The following DGCR2 variants were observed in gnomAD, a reference collection of about 807,000 sequenced individuals.
DGCR2 encodes the protein DiGeorge syndrome critical region gene 2.
Under a neutral mutation model 51.6 loss-of-function variants are expected in DGCR2, and 24 were observed. The observed-to-expected ratio is 0.47, with a 90% confidence interval of 0.34 to 0.65. The LOEUF (loss-of-function observed/expected upper bound fraction) is 0.65. Among genes scored for constraint, DGCR2 ranks in the 30% least tolerant of loss-of-function variants. DGCR2 has a pLI of 0.01. For synonymous variants in DGCR2, 340 were observed against 315.4 expected (o/e 1.08, Z -0.82); for missense variants, 765 against 772.1 (o/e 0.99, Z 0.11).
chr22:19,072,025 T>G (rs760651215), intron 2 of DGCR2, among the ~76,000 whole-genome samples: 5 of 151,948 alleles, frequency 3.3e-5, no homozygotes, highest in African/African-American at 1.2e-4. Context: ...AGATCTGAAA[T>G]TATTCATATT....
chr22:19,049,479 G>A (rs2082525955), intron 6 of DGCR2, among the ~76,000 whole-genome samples: 1 of 152,070 alleles, frequency 6.6e-6, no homozygotes, highest in African/African-American at 2.4e-5. Context: ...GGGTAAGGAT[G>A]TCTAGAAAAA....
At chr22:19,071,655 C>T (rs975627296) in intron 2 of DGCR2, among the ~76,000 whole-genome samples, 8 of 152,130 alleles carry the variant, frequency 5.3e-5, no homozygotes, top group Admixed American at 4.6e-4. Context: ...CAAAGCAATA[C>T]GGCAATAACA....
Position 19,048,546 on chromosome 22 carries a change from T to A in DGCR2, c.900A>T (p.Gly300=). The A allele has an allele frequency of 6.2e-7, 1 of 1,614,190 alleles. No individual in the cohort carries two copies. The highest frequency in any genetic ancestry group is 2.2e-5 in the East Asian group (1 of 44,874). The part of the protein sequence containing the change: ...DDPCLSCTCH[G]GEPEMCVAAL... ...CAGCCACACACATCTCAGGCTCCCCTCCATGGCAGGTGCAGCTCAGGCATG... is the reference window on the plus strand; with the variant it reads ...CAGCCACACACATCTCAGGCTCCCCACCATGGCAGGTGCAGCTCAGGCATG... The change falls in exon 7 of 10, where the codon GGA becomes GGT. Residue 300 remains glycine (G), a synonymous_variant. Coordinates refer to ENST00000263196, the MANE Select transcript of DGCR2 (RefSeq NM_005137.3).
intron 7 of DGCR2, among the ~76,000 whole-genome samples, chr22:19,043,254 C>T (rs368757033): frequency 9.9e-5 from 15 of 152,228 alleles, no homozygotes; most frequent in Admixed American, 7.2e-4. Flanking sequence ...AGGTGGAGGC[C>T]GGGGTGCTGT....
intron 7 of DGCR2, chr22:19,046,737 G>A (rs1257890881): frequency 4.6e-6 from 2 of 438,542 alleles, no homozygotes; most frequent in Non-Finnish European, 9.3e-6. Context: ...AGGCAGAGCA[G>A]GGCCCAGCTA....
intron 1 of DGCR2, among the ~76,000 whole-genome samples, chr22:19,117,021 G>C (rs185112952): frequency 1.3e-5 from 2 of 151,986 alleles, no homozygotes; most frequent in African/African-American, 4.8e-5. Context: ...CTCCCACCAT[G>C]GCTAAGAGGA....
intron 7 of DGCR2, among the ~76,000 whole-genome samples, chr22:19,043,692 G>A (rs921601084): frequency 3.6e-5 from 5 of 140,468 alleles, no homozygotes; most frequent in African/African-American, 1.4e-4. Context: ...CAACAATCTC[G>A]GCAGGCAGGA....
intron 1 of DGCR2, among the ~76,000 whole-genome samples, chr22:19,110,636 TA>T (rs5844372): frequency 8.9e-5 from 13 of 146,196 alleles, no homozygotes; most frequent in South Asian, 2.2e-4. Context: ...AAAATTAAAT[TA>T]AAAAAAAAAA....
intron 2 of DGCR2, among the ~76,000 whole-genome samples, chr22:19,076,516 C>T (rs943368192): frequency 2.6e-5 from 4 of 152,076 alleles, no homozygotes; most frequent in African/African-American, 9.7e-5. Flanking sequence ...TTAGTAGCTG[C>T]ACCAGTTCCC....
rs571202788 is a variant in DGCR2, at chr22:19,084,774, C to T, written c.202+4594G>A. On this transcript the variant is annotated intron_variant, in intron 2 of 9. Transcript: ENST00000263196. ...CCGGGAGGGAGGTGGGGGGTCAGCC[C>T]CCGCCCGGCCAGCCGCCCCGTCCGG... Among the ~76,000 whole-genome samples the T allele has an allele frequency of 3.2e-3, 442 of 138,866 alleles. 3 individuals carry two copies. The highest frequency in any genetic ancestry group is 0.012 in the African/African-American group (420 of 35,278). The allele number at this position is 138,866 out of a possible 152,430, so 91.1% of individuals were successfully genotyped here.
At chr22:19,040,027 A>G (rs1412012926) in intron 9 of DGCR2, among the ~76,000 whole-genome samples, 1 of 152,030 alleles carries the variant, frequency 6.6e-6, no homozygotes, top group African/African-American at 2.4e-5. Flanking sequence ...GCTTGTCATT[A>G]CCATAGGCTG....
At chr22:19,041,343 C>T (rs951240538) in intron 8 of DGCR2, 49 bp from the exon 9 acceptor site, 2 of 1,579,538 alleles carry the variant, frequency 1.3e-6, no homozygotes, top group Admixed American at 1.7e-5. Context: ...TCACTGGGGG[C>T]AGGCTGCCTG....
rs55803042 is a variant in DGCR2 at position 19,108,569 on chromosome 22, T to TA, written c.79+13558dup. ...CAGCCTGGGCAACAGAGAATTTATC[T>TA]AAAAAAAAAAAAAAAAAAAAAAAAA... On this transcript the variant is annotated intron_variant, in intron 1 of 9. Coordinates refer to ENST00000263196, the MANE Select transcript of DGCR2 (RefSeq NM_005137.3). Among the ~76,000 whole-genome samples, 352 of 90,622 alleles carry TA rather than the reference T, an allele frequency of 3.9e-3. 10 individuals are homozygous for TA. The highest frequency in any genetic ancestry group is 5.9e-3 in the Non-Finnish European group (254 of 43,222). 59.5% of individuals were successfully genotyped at this position (90,622 alleles called of 152,430 possible).
At chr22:19,103,127 G>GA (rs1317678838) in intron 1 of DGCR2, among the ~76,000 whole-genome samples, 3 of 152,252 alleles carry the variant, frequency 2.0e-5, no homozygotes, top group Non-Finnish European at 4.4e-5. Flanking sequence ...AATGCTAAGT[G>GA]AAAGAAGCCA....
intron 2 of DGCR2, among the ~76,000 whole-genome samples, chr22:19,075,635 TC>T (rs2082867469): frequency 1.3e-5 from 2 of 152,236 alleles, no homozygotes; most frequent in South Asian, 4.1e-4. Flanking sequence ...ACTTCCTGTA[TC>T]TATGCATTTG....
intron 3 of DGCR2, among the ~76,000 whole-genome samples, chr22:19,067,116 A>G (rs530077814): frequency 6.6e-6 from 1 of 152,318 alleles, no homozygotes; most frequent in East Asian, 1.9e-4. Context: ...TGCCAGAAGC[A>G]GACCTGGTCA....
chr22:19,101,884 G>A (rs1421336412), intron 1 of DGCR2, among the ~76,000 whole-genome samples: 3 of 151,818 alleles, frequency 2.0e-5, no homozygotes, highest in African/African-American at 7.2e-5. Context: ...GTGAAACTCC[G>A]TGTCTACTAA....
chr22:19,104,837 T>C (rs541727188), intron 1 of DGCR2, among the ~76,000 whole-genome samples: 1 of 152,318 alleles, frequency 6.6e-6, no homozygotes, highest in African/African-American at 2.4e-5. Context: ...TCACCTTCCA[T>C]ACAAGTTGCT....
At chr22:19,084,751 G>T (rs373229513) in intron 2 of DGCR2, among the ~76,000 whole-genome samples, 2 of 141,168 alleles carry the variant, frequency 1.4e-5, no homozygotes, top group Admixed American at 7.1e-5. Context: ...CGCCCCGTCC[G>T]GGAGGGAGGT....
Sources: gnomAD v4.1 joint callset for allele counts (sites outside exome capture counted in the v4.1 genomes callset) on GRCh38, gnomAD v4.1.1 for gene constraint, MANE v1.5 for transcripts, NCBI Gene and HGNC (gene_info 2026-07-23, HGNC 2026-07-21) for gene names.